The following KCNK2 variants were observed in gnomAD, a reference collection of about 807,000 sequenced individuals.
The protein encoded by KCNK2 is potassium two pore domain channel subfamily K member 2, also known as potassium channel subfamily K member 2.
A neutral mutation model predicts 40.5 loss-of-function variants in KCNK2; 21 were observed. The ratio of observed to expected loss-of-function variants is 0.52; its 90% CI spans 0.37 to 0.75. The LOEUF is 0.75. Ranked by LOEUF, KCNK2 falls within the 30% of genes least tolerant of loss-of-function variation. KCNK2 has a pLI of 0.00. For synonymous variants in KCNK2, 191 were observed against 202.2 expected, an observed-to-expected ratio of 0.94 and a Z score of 0.47; for missense variants, 399 against 531.6, an observed-to-expected ratio of 0.75 and a Z score of 2.45.
At chr1:215,014,118 G>A (rs761927440) in intron 1 of KCNK2, among the ~76,000 whole-genome samples, 1 of 151,990 alleles carries the variant, frequency 6.6e-6, no homozygotes, top group African/African-American at 2.4e-5. Context: ...GTTTATTATA[G>A]ATGAGTTTCA....
At chr1:215,119,889 T>C (rs925534796) in intron 2 of KCNK2, among the ~76,000 whole-genome samples, 3 of 152,200 alleles carry the variant, frequency 2.0e-5, no homozygotes, top group African/African-American at 4.8e-5. Flanking sequence ...TCTGATGACC[T>C]GAACTGATGT....
At chr1:215,121,041 CATT>C (rs1275016375) in intron 2 of KCNK2, among the ~76,000 whole-genome samples, 12 of 152,082 alleles carry the variant, frequency 7.9e-5, no homozygotes, top group African/African-American at 2.7e-4. Flanking sequence ...AATCTGCTGT[CATT>C]ATTCTTATTT....
intron 1 of KCNK2, among the ~76,000 whole-genome samples, chr1:215,066,629 C>T (rs1485593598): frequency 6.6e-6 from 1 of 152,144 alleles, no homozygotes; most frequent in Non-Finnish European, 1.5e-5. Context: ...TGATTCCTGG[C>T]TCTAAACTCG....
intron 1 of KCNK2, among the ~76,000 whole-genome samples, chr1:215,084,181 T>TGC (rs1267982030): frequency 4.4e-5 from 5 of 114,088 alleles, no homozygotes; most frequent in African/African-American, 1.0e-4. Flanking sequence ...ATTAGGTTAA[T>TGC]GCACACACAC....
At chr1:215,034,641 T>G (rs1210977802) in intron 1 of KCNK2, among the ~76,000 whole-genome samples, 1 of 152,152 alleles carries the variant, frequency 6.6e-6, no homozygotes, top group Non-Finnish European at 1.5e-5. Flanking sequence ...CAGCACCATT[T>G]GTTGAAAAGA....
At chr1:215,163,664 C>T (rs191046568) in intron 3 of KCNK2, among the ~76,000 whole-genome samples, 122 of 152,196 alleles carry the variant, frequency 8.0e-4, no homozygotes, top group African/African-American at 2.5e-3. Flanking sequence ...TTTTCTGCAT[C>T]TGTTGAAATA....
intron 3 of KCNK2, among the ~76,000 whole-genome samples, chr1:215,164,964 C>T (rs1263629281): frequency 6.6e-6 from 1 of 152,154 alleles, no homozygotes; most frequent in African/African-American, 2.4e-5. Context: ...TAATTGTAAT[C>T]CATGGCAAAA....
At chr1:215,193,479 A>T (rs1321705495) in intron 5 of KCNK2, among the ~76,000 whole-genome samples, 2 of 151,752 alleles carry the variant, frequency 1.3e-5, no homozygotes, top group Non-Finnish European at 2.9e-5. Flanking sequence ...ATTCAGTTAC[A>T]ATATCTTTGG....
chr1:215,197,449 T>C (rs1664909426), intron 6 of KCNK2, among the ~76,000 whole-genome samples: 1 of 152,152 alleles, frequency 6.6e-6, no homozygotes, highest in African/African-American at 2.4e-5. Flanking sequence ...TGTGCATGCA[T>C]GAGAGAGAGT....
At chr1:215,155,029 A>G (rs1430858221) in intron 3 of KCNK2, among the ~76,000 whole-genome samples, 2 of 152,150 alleles carry the variant, frequency 1.3e-5, no homozygotes, top group African/African-American at 4.8e-5. Flanking sequence ...TTACATTTAA[A>G]GAATTATTCT....
intron 1 of KCNK2, among the ~76,000 whole-genome samples, chr1:215,007,554 A>G (rs1656223595): frequency 6.6e-6 from 1 of 152,024 alleles, no homozygotes; most frequent in South Asian, 2.1e-4. Context: ...ATCTTGTGCC[A>G]GCTAACACTG....
At chr1:215,010,633 G>T (rs114930967) in intron 1 of KCNK2, among the ~76,000 whole-genome samples, 2,652 of 152,184 alleles carry the variant, frequency 0.017, 73 homozygotes, top group African/African-American at 0.061. Flanking sequence ...GGCTGCTTTT[G>T]TTCTTTTGAA....
chr1:215,158,606 C>A (rs1663035387), intron 3 of KCNK2, among the ~76,000 whole-genome samples: 1 of 152,068 alleles, frequency 6.6e-6, no homozygotes, highest in East Asian at 1.9e-4. Flanking sequence ...TTCCCTGATC[C>A]TTCCTGGAGG....
intron 6 of KCNK2, among the ~76,000 whole-genome samples, chr1:215,220,828 C>T (rs1160025249): frequency 6.6e-6 from 1 of 152,032 alleles, no homozygotes; most frequent in Non-Finnish European, 1.5e-5. Context: ...AAGTTGCAGT[C>T]CACCTCTTTA....
chr1:215,215,195 G>T (rs1259446872), intron 6 of KCNK2, among the ~76,000 whole-genome samples: 1 of 143,632 alleles, frequency 7.0e-6, no homozygotes, highest in African/African-American at 2.7e-5. Flanking sequence ...AATGAAGCTG[G>T]GGGGATTTTT....
intron 1 of KCNK2, among the ~76,000 whole-genome samples, chr1:215,084,839 C>G (rs1369598400): frequency 6.6e-6 from 1 of 152,184 alleles, no homozygotes; most frequent in Non-Finnish European, 1.5e-5. Flanking sequence ...CATCACAGCT[C>G]TAATTTCATC....
chr1:215,062,666 A>C (rs368852010), intron 1 of KCNK2, among the ~76,000 whole-genome samples: 120 of 151,840 alleles, frequency 7.9e-4, no homozygotes, highest in African/African-American at 2.7e-3. Context: ...GATGGGCTAA[A>C]GTTAATTTCA....
intron 2 of KCNK2, among the ~76,000 whole-genome samples, chr1:215,114,902 G>A (rs1558097553): frequency 6.6e-6 from 1 of 152,028 alleles, no homozygotes; most frequent in Non-Finnish European, 1.5e-5. Context: ...TTATTGGAAT[G>A]TCTTAGTATA....
chr1:215,196,144 C>T (rs997883964), intron 6 of KCNK2, among the ~76,000 whole-genome samples: 1 of 151,210 alleles, frequency 6.6e-6, no homozygotes, highest in Non-Finnish European at 1.5e-5. Flanking sequence ...AGTGCAGTGA[C>T]ATGATCTAAG....
Sources: gnomAD v4.1 joint callset for allele counts (sites outside exome capture counted in the v4.1 genomes callset) on GRCh38, gnomAD v4.1.1 for gene constraint, MANE v1.5 for transcripts, NCBI Gene and HGNC (gene_info 2026-07-23, HGNC 2026-07-21) for gene names.